Variants in ZNRF3 observed in about 807,000 individuals in gnomAD.
ZNRF3 encodes E3 ubiquitin-protein ligase ZNRF3.
In ZNRF3, 23 loss-of-function variants were observed where a neutral mutation model predicts 72.5. The observed-to-expected ratio is 0.32, with a 90% CI of 0.23 to 0.45. ZNRF3 has a LOEUF of 0.45. ZNRF3 is among the 20% of genes least tolerant of loss of function. ZNRF3 has a pLI of 1.00. For synonymous variants in ZNRF3, 610 were observed against 545.3 expected, an observed-to-expected ratio of 1.12 and a Z score of -1.65; for missense variants, 1,169 against 1,272.1, an observed-to-expected ratio of 0.92 and a Z score of 1.23.
intron 2 of ZNRF3, among the ~76,000 whole-genome samples, chr22:29,002,702 C>T (rs1285577083): frequency 1.3e-5 from 2 of 152,182 alleles, no homozygotes; most frequent in South Asian, 2.1e-4. Flanking sequence ...TATCCTTAAG[C>T]AGGATCTGTG....
chr22:28,918,715 G>C (rs1429405642), intron 1 of ZNRF3, among the ~76,000 whole-genome samples: 1 of 152,104 alleles, frequency 6.6e-6, no homozygotes, highest in Admixed American at 6.5e-5. Context: ...GTATCCTGGG[G>C]TATGTGCGAA....
chr22:28,912,467 G>A (rs919671676), intron 1 of ZNRF3, among the ~76,000 whole-genome samples: 4 of 152,042 alleles, frequency 2.6e-5, no homozygotes, highest in East Asian at 3.9e-4. Context: ...CAAGGAGCCC[G>A]CCTCTTAAAG....
At chr22:29,039,079 C>G (rs963232004) in intron 2 of ZNRF3, among the ~76,000 whole-genome samples, 2 of 152,146 alleles carry the variant, frequency 1.3e-5, no homozygotes, top group African/African-American at 2.4e-5. Context: ...TGCCTTATTA[C>G]TGACCTGCCC....
intron 1 of ZNRF3, among the ~76,000 whole-genome samples, chr22:28,978,838 C>T (rs2035718840): frequency 6.6e-6 from 1 of 152,140 alleles, no homozygotes; most frequent in African/African-American, 2.4e-5. Flanking sequence ...TATTGACCTC[C>T]TCCTGTAGAA....
At chr22:29,036,522 G>A (rs1300505474) in intron 2 of ZNRF3, among the ~76,000 whole-genome samples, 1 of 152,076 alleles carries the variant, frequency 6.6e-6, no homozygotes, top group Non-Finnish European at 1.5e-5. Context: ...TCAACAGACC[G>A]CCTAACCCAG....
At chr22:28,912,596 T>C (rs1286747133) in intron 1 of ZNRF3, among the ~76,000 whole-genome samples, 1 of 151,870 alleles carries the variant, frequency 6.6e-6, no homozygotes, top group Non-Finnish European at 1.5e-5. Flanking sequence ...ATTGCCACTC[T>C]CCAGTTCTTT....
At chr22:28,957,880 G>C (rs1182438265) in intron 1 of ZNRF3, among the ~76,000 whole-genome samples, 1 of 152,048 alleles carries the variant, frequency 6.6e-6, no homozygotes, top group East Asian at 1.9e-4. Flanking sequence ...GAGCCAAGAA[G>C]GATGCTTTGA....
At chr22:29,021,077 T>TATATTTAGTA (rs2036530198) in intron 2 of ZNRF3, among the ~76,000 whole-genome samples, 1 of 152,012 alleles carries the variant, frequency 6.6e-6, no homozygotes, top group Non-Finnish European at 1.5e-5. Context: ...ATTACAGGCG[T>TATATTTAGTA]GAGCCACTGC....
rs368294263 is a variant in ZNRF3, at chr22:29,049,724, G to A, written c.1543G>A (p.Val515Met). The change falls in exon 8 of 9, where the codon GTG (valine) becomes ATG (methionine). Residue 515 changes from valine to methionine, a missense_variant. Physicochemically the swap from Val to Met is conservative, Grantham distance 21. Transcript: ENST00000544604. The surrounding 1 kb of genome is among the most constrained non-coding windows in gnomAD (Gnocchi z 5.2). ...GSLLFPTVVH[V>M]APPSHLESGS... ...CCTGCTCTTCCCCACCGTGGTGCAC[G>A]TGGCCCCGCCCTCCCACCTGGAGAG... The A allele has an allele frequency of 8.8e-5, 140 of 1,599,830 alleles. No homozygotes were observed. The highest frequency in any genetic ancestry group is 3.4e-4 in the Admixed American group (20 of 59,464).
At position 28,883,669 on chromosome 22, in the gene ZNRF3, G is replaced by T; in HGVS notation, c.-98G>T. On this transcript the variant is annotated 5_prime_UTR_variant, in exon 1 of 9. Transcript: ENST00000544604. This position sits in a 1 kb window ranked among gnomAD's most constrained non-coding sequence, Gnocchi z 5.5. ...CCACAAAGCCGCCGCCGCCGCCGCC[G>T]TGATGGGGCTGTGAGGCGTCCGCCC... 4.1e-6 allele frequency: 4 copies of T among 969,916 alleles called. No individual in the cohort carries two copies. Among genetic ancestry groups the T allele is most frequent in the Non-Finnish European group, 4.9e-6 (4 of 815,784 alleles). 60.1% of individuals were successfully genotyped at this position (969,916 alleles called of 1,614,324 possible). A position where few individuals can be genotyped will look rare whatever the true frequency, so the allele number is the denominator to read the frequency against.
intron 2 of ZNRF3, among the ~76,000 whole-genome samples, chr22:29,033,424 A>G (rs1296616891): frequency 2.0e-5 from 3 of 151,910 alleles, no homozygotes; most frequent in Non-Finnish European, 4.4e-5. Context: ...AGAAACAATA[A>G]GCAGGAGGAG....
At chr22:29,045,362 CAAA>C (rs59285656) in intron 5 of ZNRF3, among the ~76,000 whole-genome samples, 1,826 of 97,562 alleles carry the variant, frequency 0.019, 25 homozygotes, top group South Asian at 0.078. Flanking sequence ...CCCTGTCTCA[CAAA>C]AAAAAAAAAA....
intron 1 of ZNRF3, among the ~76,000 whole-genome samples, chr22:28,967,919 G>A (rs1453141722): frequency 2.8e-5 from 4 of 143,452 alleles, no homozygotes; most frequent in Admixed American, 7.1e-5. Context: ...GAGTGACACC[G>A]TGTCTCAAAA....
chr22:29,044,166 A>G (rs1160485010), intron 4 of ZNRF3, among the ~76,000 whole-genome samples: 2 of 152,204 alleles, frequency 1.3e-5, no homozygotes, highest in Non-Finnish European at 2.9e-5. Flanking sequence ...GCAAAGCTCT[A>G]TTCCCATTGG....
At chr22:29,044,687 C>T (rs2037028880) in intron 4 of ZNRF3, 93 bp from the exon 5 acceptor site, 1 of 854,656 alleles carries the variant, frequency 1.2e-6, no homozygotes, top group Non-Finnish European at 2.0e-6. Context: ...TCCCGGTCAC[C>T]CCATCTTTAT....
chr22:28,947,800 T>G (rs1601592113), intron 1 of ZNRF3, among the ~76,000 whole-genome samples: 1 of 152,228 alleles, frequency 6.6e-6, no homozygotes, highest in African/African-American at 2.4e-5. Context: ...GAATCAAACA[T>G]TTAAAATTCA....
At position 28,940,058 on chromosome 22, in the gene ZNRF3, C is replaced by T. The variant is rs573999604; in HGVS notation, c.301-47018C>T. Among the ~76,000 whole-genome samples, 7 of 152,256 alleles carry T rather than the reference C, an allele frequency of 4.6e-5. 1 individual carries two copies. In the East Asian group the frequency reaches 7.7e-4, roughly 17 times the overall value. ...TTTCCCCCAACTTAGAAAAGCAGAA[C>T]AAAACCTCAGCAGGCCTATGTCTTG... On this transcript the variant is annotated intron_variant, in intron 1 of 8. Transcript: ENST00000544604.
At chr22:28,997,988 TAAAAAAAAA>T (rs557887667) in intron 2 of ZNRF3, among the ~76,000 whole-genome samples, 5 of 115,336 alleles carry the variant, frequency 4.3e-5, no homozygotes, top group South Asian at 5.9e-4. Flanking sequence ...CCTGGCTCTT[TAAAAAAAAA>T]AAAAAAAAAA....
At chr22:28,910,459 G>A (rs901521613) in intron 1 of ZNRF3, among the ~76,000 whole-genome samples, 6 of 152,342 alleles carry the variant, frequency 3.9e-5, no homozygotes, top group African/African-American at 7.2e-5. Flanking sequence ...CTTTGTTACC[G>A]AATTATTGGG....
Sources: gnomAD v4.1 joint callset for allele counts (sites outside exome capture counted in the v4.1 genomes callset) on GRCh38, gnomAD v4.1.1 for gene constraint, Gnocchi (gnomAD v3.1) non-coding constraint, MANE v1.5 for transcripts, NCBI Gene and HGNC (gene_info 2026-07-23, HGNC 2026-07-21) for gene names.